Variants in GRIP1 observed in about 807,000 individuals in gnomAD.
GRIP1 encodes the protein glutamate receptor-interacting protein 1.
Under a neutral mutation model 129.9 loss-of-function variants are expected in GRIP1, and 45 were observed. That is an observed-to-expected ratio of 0.35 (90% CI 0.27 to 0.44). The LOEUF (loss-of-function observed/expected upper bound fraction) is 0.44, where lower values mean the gene tolerates loss of function less well. Among genes scored for constraint, GRIP1 ranks in the 20% least tolerant of loss-of-function variants. GRIP1 has a pLI of 1.00. For synonymous variants in GRIP1, 530 were observed against 520.8 expected (o/e 1.02, Z -0.24); for missense variants, 1,196 against 1,396.8 (o/e 0.86, Z 2.29).
At chr12:66,481,900 A>C (rs2059816753) in intron 7 of GRIP1, among the ~76,000 whole-genome samples, 1 of 151,356 alleles carries the variant, frequency 6.6e-6, no homozygotes, top group South Asian at 2.1e-4. Context: ...TTGAACAATG[A>C]GAACACATGG....
intron 1 of GRIP1, among the ~76,000 whole-genome samples, chr12:66,725,596 AT>A: frequency 6.6e-6 from 1 of 152,282 alleles, no homozygotes; most frequent in East Asian, 1.9e-4. Context: ...GTGTATGTAC[AT>A]GTGAAAATTC....
chr12:66,465,991 C>T (rs934020377), intron 7 of GRIP1, among the ~76,000 whole-genome samples: 2 of 152,104 alleles, frequency 1.3e-5, no homozygotes, highest in South Asian at 2.1e-4. Context: ...GATAGATAAT[C>T]AGAAGAATGG....
chr12:66,684,111 G>A (rs530305395), upstream of GRIP1, among the ~76,000 whole-genome samples: 58 of 152,288 alleles, frequency 3.8e-4, no homozygotes, highest in Admixed American at 1.3e-3. Flanking sequence ...TCTGTGTAAC[G>A]TGCCTAGAAC....
At chr12:66,538,647 G>A (rs1010985601) in intron 4 of GRIP1, among the ~76,000 whole-genome samples, 2 of 152,084 alleles carry the variant, frequency 1.3e-5, no homozygotes, top group Admixed American at 1.3e-4. Flanking sequence ...ATGTCCCCCA[G>A]GCTGGATGGC....
At chr12:66,837,854 T>C (rs1257639611) in intron 1 of GRIP1, among the ~76,000 whole-genome samples, 1 of 152,114 alleles carries the variant, frequency 6.6e-6, no homozygotes, top group Non-Finnish European at 1.5e-5. Flanking sequence ...GTGTCAGGGA[T>C]GAGTCTCTAG....
intron 1 of GRIP1, among the ~76,000 whole-genome samples, chr12:66,768,990 C>T (rs1161740545): frequency 6.6e-6 from 1 of 152,194 alleles, no homozygotes; most frequent in African/African-American, 2.4e-5. Flanking sequence ...GATTCCACAA[C>T]AGCACTTCGC....
chr12:66,963,446 A>G (rs2041952108), intron 1 of GRIP1, among the ~76,000 whole-genome samples: 1 of 152,236 alleles, frequency 6.6e-6, no homozygotes, highest in Non-Finnish European at 1.5e-5. Flanking sequence ...TATCTATAAT[A>G]AAGGTAGGGA....
chr12:66,414,134 A>T (rs1221361067), intron 15 of GRIP1, among the ~76,000 whole-genome samples: 4 of 152,172 alleles, frequency 2.6e-5, no homozygotes, highest in Non-Finnish European at 5.9e-5. Flanking sequence ...AGGGTATTCA[A>T]ATCAGAAGAG....
intron 1 of GRIP1, among the ~76,000 whole-genome samples, chr12:66,926,478 C>G (rs916022229): frequency 6.6e-6 from 1 of 152,152 alleles, no homozygotes; most frequent in Non-Finnish European, 1.5e-5. Context: ...AACCTGAGTT[C>G]GAGTTCTGCC....
chr12:66,690,372 A>ACG (rs1491445973), intron 1 of GRIP1, among the ~76,000 whole-genome samples: 2 of 57,184 alleles, frequency 3.5e-5, no homozygotes, highest in Non-Finnish European at 6.1e-5. Flanking sequence ...CAATAATATT[A>ACG]CACACACACA....
At chr12:66,557,946 T>C (rs950250199) in intron 2 of GRIP1, among the ~76,000 whole-genome samples, 1 of 151,922 alleles carries the variant, frequency 6.6e-6, no homozygotes, top group East Asian at 1.9e-4. Flanking sequence ...ATTAGTAGCA[T>C]AAAAGAAAAG....
At chr12:66,418,759 G>A (rs1003303866) in intron 15 of GRIP1, among the ~76,000 whole-genome samples, 2 of 152,276 alleles carry the variant, frequency 1.3e-5, no homozygotes, top group African/African-American at 2.4e-5. Context: ...TCTGACCCGA[G>A]TTAAAATGGT....
intron 1 of GRIP1, among the ~76,000 whole-genome samples, chr12:66,663,729 G>A (rs1031103586): frequency 6.6e-6 from 1 of 152,186 alleles, no homozygotes; most frequent in African/African-American, 2.4e-5. Context: ...CTACACATAT[G>A]AACTCTAAAG....
chr12:66,529,985 G>T, intron 4 of GRIP1, 71 bp from the exon 5 acceptor site: 1 of 950,524 alleles, frequency 1.1e-6, no homozygotes, highest in Non-Finnish European at 1.7e-6. Context: ...ATTCAATGTG[G>T]CATAAAATAT....
chr12:67,032,343 T>C (rs1277940264), intron 1 of GRIP1, among the ~76,000 whole-genome samples: 1 of 152,216 alleles, frequency 6.6e-6, no homozygotes, highest in Non-Finnish European at 1.5e-5. Flanking sequence ...TTTGTTAAAA[T>C]GCCTAGGAAA....
At chr12:66,457,265 T>C (rs2058996175) in intron 9 of GRIP1, among the ~76,000 whole-genome samples, 1 of 152,252 alleles carries the variant, frequency 6.6e-6, no homozygotes, top group African/African-American at 2.4e-5. Flanking sequence ...AAATAACATA[T>C]GAACTTATTT....
chr12:66,566,063 G>T (rs2062744762), intron 2 of GRIP1, among the ~76,000 whole-genome samples: 1 of 152,176 alleles, frequency 6.6e-6, no homozygotes, highest in Admixed American at 6.5e-5. Context: ...CATGTCATCT[G>T]CAAACAGAGA....
chr12:66,371,608 C>T, intron 23 of GRIP1, 86 bp downstream of exon 23: 1 of 854,634 alleles, frequency 1.2e-6, no homozygotes. Context: ...AGGAGGATAC[C>T]ATTGCCATGC....
At chr12:66,583,187 GA>G (rs1430778234) in intron 2 of GRIP1, among the ~76,000 whole-genome samples, 2 of 151,004 alleles carry the variant, frequency 1.3e-5, no homozygotes, top group Non-Finnish European at 3.0e-5. Flanking sequence ...ATGGTGCTGG[GA>G]AAACTGGCTA....
Sources: allele counts gnomAD v4.1 joint callset (sites outside exome capture counted in the v4.1 genomes callset), GRCh38; gene constraint gnomAD v4.1.1; transcripts MANE v1.5; gene names NCBI Gene and HGNC (gene_info 2026-07-23, HGNC 2026-07-21).